The following XPO7 variants were observed in gnomAD, a reference collection of about 807,000 sequenced individuals.
XPO7 encodes exportin 7.
A neutral mutation model predicts 144.3 loss-of-function variants in XPO7; 21 were observed. That is an observed-to-expected ratio of 0.15 (90% CI 0.10 to 0.21). XPO7 has a LOEUF of 0.21. XPO7 is among the 10% of genes least tolerant of loss of function. The pLI is 1.00. For synonymous variants in XPO7, 580 were observed against 499.6 expected (o/e 1.16, Z -2.15); for missense variants, 808 against 1,325.8 (o/e 0.61, Z 6.06).
chr8:21,920,223 C>A (rs1233878058), intron 1 of XPO7, among the ~76,000 whole-genome samples: 6 of 151,858 alleles, frequency 4.0e-5, no homozygotes, highest in Non-Finnish European at 2.9e-5. Context: ...AAAAGGAAAC[C>A]TCGCGCTGAT....
intron 1 of XPO7, among the ~76,000 whole-genome samples, chr8:21,951,435 T>C (rs778652974): frequency 3.3e-5 from 5 of 152,176 alleles, no homozygotes; most frequent in Non-Finnish European, 5.9e-5. Context: ...ATATGTTTAA[T>C]CAACCATTTA....
At chr8:21,923,786 G>A (rs1386178945) in intron 1 of XPO7, among the ~76,000 whole-genome samples, 1 of 152,104 alleles carries the variant, frequency 6.6e-6, no homozygotes, top group Non-Finnish European at 1.5e-5. Context: ...TTTCTTGGTT[G>A]GGTTTTGAAA....
chr8:21,969,846 C>T, intron 3 of XPO7: 1 of 541,892 alleles, frequency 1.8e-6, no homozygotes, highest in East Asian at 3.2e-5. Flanking sequence ...CTAAGAAAAA[C>T]ATTGTTAATG....
intron 15 of XPO7, chr8:21,988,248 G>A (rs1585472448): frequency 1.1e-5 from 2 of 188,526 alleles, no homozygotes; most frequent in East Asian, 1.4e-4. Context: ...TTATCCCCTC[G>A]AAGGGGAAAG....
At chr8:21,953,579 T>C (rs1328776021) in intron 1 of XPO7, among the ~76,000 whole-genome samples, 1 of 152,220 alleles carries the variant, frequency 6.6e-6, no homozygotes, top group Non-Finnish European at 1.5e-5. Context: ...ATGTTTAGTT[T>C]TGTGAGAAAC....
Position 21,952,836 on chromosome 8 carries a change from G to C in XPO7, c.19-14021G>C, listed in dbSNP as rs1185876267. The stretch of plus-strand genomic sequence containing the variant: ...CTAAGATACAAAATGTCATGTTTTA[G>C]TATTAAATATTGGTTAGTAAACTAG... On this transcript the variant is annotated intron_variant, in intron 1 of 27. Coordinates refer to ENST00000252512, the MANE Select transcript of XPO7 (RefSeq NM_015024.5). Among the ~76,000 whole-genome samples the C allele has an allele frequency of 2.6e-5, 4 of 152,222 alleles. No individual in the cohort carries two copies. The East Asian group carries it at 7.7e-4, about 29-fold the overall frequency.
At chr8:21,978,953 T>C (rs1427559618) in intron 8 of XPO7, among the ~76,000 whole-genome samples, 1 of 152,100 alleles carries the variant, frequency 6.6e-6, no homozygotes, top group Non-Finnish European at 1.5e-5. Flanking sequence ...TCCTAGGGAA[T>C]AGGGCAGGGT....
chr8:21,932,044 T>G (rs1242757403), intron 1 of XPO7, among the ~76,000 whole-genome samples: 4 of 152,044 alleles, frequency 2.6e-5, no homozygotes, highest in Non-Finnish European at 5.9e-5. Flanking sequence ...CAGGTAATTC[T>G]TGTATTTTTA....
chr8:21,933,106 T>G (rs1810707683), intron 1 of XPO7, among the ~76,000 whole-genome samples: 1 of 148,474 alleles, frequency 6.7e-6, no homozygotes, highest in Non-Finnish European at 1.5e-5. Flanking sequence ...ATTTTTTTTT[T>G]TTTTTTTTTT....
rs765893151 is a variant in XPO7 at position 21,977,828 on chromosome 8, T to C, written c.822T>C (p.Pro274=). The C allele has an allele frequency of 6.2e-7, 1 of 1,613,936 alleles. No individual in the cohort carries two copies. The highest frequency in any genetic ancestry group is 8.5e-7 in the Non-Finnish European group (1 of 1,179,846). The change falls in exon 8 of 28, where the codon CCT becomes CCC. Residue 274 remains proline (P), a synonymous_variant. Transcript: ENST00000252512. ...TTGACCTGTATCATTCCATCCCTCC[T>C]TCATTTTCACCTCTGGTGAGTCAGG... ...LFFDLYHSIP[P]SFSPLVLSCL... is the part of the protein sequence containing the mutation.
chr8:21,937,949 TAA>T (rs746339242), intron 1 of XPO7, among the ~76,000 whole-genome samples: 86 of 152,310 alleles, frequency 5.6e-4, no homozygotes, highest in Non-Finnish European at 9.7e-4. Flanking sequence ...TTCAGAGAAA[TAA>T]GATATAGATA....
intron 20 of XPO7, 84 bp downstream of exon 20, chr8:21,994,535 G>C: frequency 1.6e-6 from 2 of 1,272,036 alleles, no homozygotes; most frequent in Non-Finnish European, 2.2e-6. Context: ...ACGGTGTAGG[G>C]GGAAGGGAGG....
chr8:21,924,303 G>A (rs1810387191), intron 1 of XPO7, among the ~76,000 whole-genome samples: 1 of 151,944 alleles, frequency 6.6e-6, no homozygotes, highest in African/African-American at 2.4e-5. Context: ...TATACCTGCA[G>A]ACAGGTACAG....
In XPO7 at chr8:22,002,098, T is replaced by C. The variant is rs191664142; in HGVS notation, c.2783-14T>C. The C allele has an allele frequency of 6.2e-6, 10 of 1,601,842 alleles. No homozygotes were observed. In the East Asian group the frequency reaches 2.2e-4, roughly 36 times the overall value. On this transcript the variant is annotated splice_polypyrimidine_tract_variant and intron_variant, in intron 24 of 27. Coordinates refer to ENST00000252512, the MANE Select transcript of XPO7 (RefSeq NM_015024.5). ...TCAGCAGCTCTGTCCTACCCCTGCC[T>C]TTCTTTCTTGCAGACACCATGGTAT...
chr8:21,999,856 C>T (rs1269489041), intron 24 of XPO7, among the ~76,000 whole-genome samples, 182 bp downstream of exon 24: 2 of 152,186 alleles, frequency 1.3e-5, no homozygotes, highest in Non-Finnish European at 2.9e-5. Flanking sequence ...TGATTCCCTT[C>T]CTAAGTACAA....
At chr8:21,940,772 G>A (rs1365073354) in intron 1 of XPO7, among the ~76,000 whole-genome samples, 2 of 151,920 alleles carry the variant, frequency 1.3e-5, no homozygotes, top group Non-Finnish European at 2.9e-5. Context: ...CCTGGCCAGT[G>A]GTCAGGCATT....
At chr8:21,979,391 T>C (rs527478549) in intron 8 of XPO7, among the ~76,000 whole-genome samples, 2 of 150,692 alleles carry the variant, frequency 1.3e-5, no homozygotes, top group South Asian at 4.3e-4. Flanking sequence ...TATTTCTTTT[T>C]TTTTTCTTTT....
chr8:21,960,496 G>A (rs1257070156), intron 1 of XPO7, among the ~76,000 whole-genome samples: 1 of 152,162 alleles, frequency 6.6e-6, no homozygotes, highest in African/African-American at 2.4e-5. Context: ...TAATTTGTTT[G>A]CATGTGTTTT....
intron 1 of XPO7, among the ~76,000 whole-genome samples, chr8:21,931,269 T>G (rs375217799): frequency 6.6e-6 from 1 of 152,036 alleles, no homozygotes; most frequent in South Asian, 2.1e-4. Context: ...TTCAAGTGAT[T>G]CTCCTGCCTC....
Sources: allele counts gnomAD v4.1 joint callset (sites outside exome capture counted in the v4.1 genomes callset), GRCh38; gene constraint gnomAD v4.1.1; transcripts MANE v1.5; gene names NCBI Gene and HGNC (gene_info 2026-07-23, HGNC 2026-07-21).